Variants in CRPPA observed in about 807,000 individuals in gnomAD.
CRPPA encodes the protein CDP-L-ribitol pyrophosphorylase A.
A neutral mutation model predicts 52.0 loss-of-function variants in CRPPA; 43 were observed. That is an observed-to-expected ratio of 0.83 (90% CI 0.65 to 1.07). The LOEUF (loss-of-function observed/expected upper bound fraction) is 1.07. CRPPA is among the 50% of genes least tolerant of loss of function. The pLI is 0.00. For missense variants in CRPPA, 629 were observed against 551.7 expected (o/e 1.14, Z -1.40); for synonymous variants, 250 against 203.5 (o/e 1.23, Z -1.94).
intron 2 of CRPPA, among the ~76,000 whole-genome samples, chr7:16,396,134 T>C (rs115604977): frequency 0.015 from 2,303 of 152,324 alleles, 64 homozygotes; most frequent in African/African-American, 0.052. Context: ...GACAATACTA[T>C]GGTATCCAAT....
intron 9 of CRPPA, among the ~76,000 whole-genome samples, chr7:16,201,813 T>G (rs1781867372): frequency 6.6e-6 from 1 of 152,196 alleles, no homozygotes; most frequent in Non-Finnish European, 1.5e-5. Context: ...ATAATTGTAT[T>G]ATTTGCAAAT....
At chr7:16,368,009 C>T (rs1313504475) in intron 3 of CRPPA, among the ~76,000 whole-genome samples, 1 of 152,112 alleles carries the variant, frequency 6.6e-6, no homozygotes, top group African/African-American at 2.4e-5. Context: ...TGACAAATTA[C>T]CTTCTAAAAT....
chr7:16,250,872 A>C (rs1783429807), intron 8 of CRPPA, among the ~76,000 whole-genome samples: 1 of 152,174 alleles, frequency 6.6e-6, no homozygotes, highest in Admixed American at 6.5e-5. Flanking sequence ...TTCACACATA[A>C]CAATATTAAC....
chr7:16,188,427 G>A (rs777011681), intron 9 of CRPPA, among the ~76,000 whole-genome samples: 2 of 152,088 alleles, frequency 1.3e-5, no homozygotes, highest in African/African-American at 4.8e-5. Context: ...ATTACTGATT[G>A]AAACAGGTGC....
At chr7:16,378,353 A>G (rs1419975047) in intron 2 of CRPPA, among the ~76,000 whole-genome samples, 5 of 146,316 alleles carry the variant, frequency 3.4e-5, no homozygotes, top group Admixed American at 1.4e-4. Flanking sequence ...GAGTGAGAAC[A>G]TGCGGTGTTT....
chr7:16,187,936 C>G (rs762220355), intron 9 of CRPPA, among the ~76,000 whole-genome samples: 13 of 151,432 alleles, frequency 8.6e-5, no homozygotes, highest in Non-Finnish European at 1.9e-4. Context: ...TTAGGAAGTG[C>G]TAATACCCAG....
intron 9 of CRPPA, among the ~76,000 whole-genome samples, chr7:16,171,510 T>C (rs1781186186): frequency 2.0e-5 from 3 of 151,984 alleles, no homozygotes; most frequent in Admixed American, 2.0e-4. Flanking sequence ...CTCAGGCCTG[T>C]AATCCCAGCA....
intron 6 of CRPPA, chr7:16,276,500 A>G (rs1784206805): frequency 6.6e-6 from 1 of 152,222 alleles, no homozygotes; most frequent in Admixed American, 6.5e-5. Context: ...ATAGACTGGC[A>G]TATTGAAGAT....
At chr7:16,315,533 A>C (rs373609268) in intron 3 of CRPPA, among the ~76,000 whole-genome samples, 70 of 152,250 alleles carry the variant, frequency 4.6e-4, no homozygotes, top group African/African-American at 1.7e-3. Flanking sequence ...GAAAGGATGG[A>C]GTTGGGTAAG....
chr7:16,397,119 A>C (rs1467220919), intron 2 of CRPPA, among the ~76,000 whole-genome samples: 1 of 152,272 alleles, frequency 6.6e-6, no homozygotes, highest in African/African-American at 2.4e-5. Context: ...ACGTGGACAC[A>C]CAACTGACAA....
chr7:16,301,452 T>C lies in CRPPA; in HGVS notation c.804A>G (p.Arg268=). Residue 268 remains arginine (R), a synonymous_variant, in exon 5 of 10, where the codon CGA becomes CGG. Coordinates refer to ENST00000407010, the MANE Select transcript of CRPPA (RefSeq NM_001101426.4). The part of the protein sequence containing the change: ...SPDLWKVTYK[R]DLYAAESIIK... ...TAATCGATTCAGCCGCATAGAGATC[T>C]CGTTTGTAGGTCACCTAAAGGACAG... 6.2e-7 allele frequency: 1 copy of C among 1,612,552 alleles called. No individual in the cohort carries two copies. Among genetic ancestry groups the C allele is most frequent in the Non-Finnish European group, 8.5e-7 (1 of 1,179,014 alleles).
At chr7:16,314,202 T>C (rs1037416518) in intron 3 of CRPPA, among the ~76,000 whole-genome samples, 4 of 151,742 alleles carry the variant, frequency 2.6e-5, no homozygotes, top group African/African-American at 9.7e-5. Flanking sequence ...GTGTACACAT[T>C]AAGCACTGTT....
chr7:16,374,028 G>A (rs989175614), intron 3 of CRPPA, among the ~76,000 whole-genome samples: 1 of 152,044 alleles, frequency 6.6e-6, no homozygotes, highest in African/African-American at 2.4e-5. Context: ...TGCTTGTGAT[G>A]GTTAATATTA....
chr7:16,164,006 G>A (rs954825629), intron 9 of CRPPA, among the ~76,000 whole-genome samples: 1 of 152,060 alleles, frequency 6.6e-6, no homozygotes, highest in East Asian at 1.9e-4. Context: ...TGCTCTTCTA[G>A]AGTATCTTTA....
intron 9 of CRPPA, chr7:16,209,198 C>T (rs545446520): frequency 2.2e-5 from 7 of 318,344 alleles, no homozygotes; most frequent in Admixed American, 8.1e-5. Context: ...AGAATGCTAG[C>T]TATCAAAAGA....
chr7:16,106,844 T>A (rs985187407), intron 9 of CRPPA, among the ~76,000 whole-genome samples: 1 of 151,966 alleles, frequency 6.6e-6, no homozygotes, highest in Non-Finnish European at 1.5e-5. Flanking sequence ...AGAATAATAC[T>A]CAAAAAAGTT....
chr7:16,155,061 G>T (rs142175628), intron 9 of CRPPA, among the ~76,000 whole-genome samples: 2 of 148,888 alleles, frequency 1.3e-5, no homozygotes, highest in Non-Finnish European at 3.0e-5. Context: ...CAAATGATCC[G>T]CCTGCCTTGG....
rs182897923 is a variant in CRPPA, at chr7:16,283,676, G to A, written c.836-5450C>T. On this transcript the variant is annotated intron_variant, in intron 5 of 9. Coordinates refer to ENST00000407010, the MANE Select transcript of CRPPA (RefSeq NM_001101426.4). ...TCTTTAATCTTCTGTGTGGCAATAGGAGGATGGTGAGTTTAGTGAGATAGA... is the reference window on the plus strand; with the variant it reads ...TCTTTAATCTTCTGTGTGGCAATAGAAGGATGGTGAGTTTAGTGAGATAGA... 6.5e-4 allele frequency among the ~76,000 whole-genome samples: 98 copies of A among 151,658 alleles called. 2 individuals carry two copies. Among genetic ancestry groups the A allele is most frequent in the African/African-American group, 2.3e-3 (96 of 41,408 alleles).
rs546997562 is a variant in CRPPA, at chr7:16,383,890, C to G, written c.535-7649G>C. On this transcript the variant is annotated intron_variant, in intron 2 of 9. Coordinates refer to ENST00000407010, the MANE Select transcript of CRPPA (RefSeq NM_001101426.4). ...TGGGAGTGACCCAATTTTCCAGGTG[C>G]CGTCTGTCACCCCTTTCTTTGACTA... is the stretch of plus-strand genomic sequence containing the variant. Among the ~76,000 whole-genome samples the G allele has an allele frequency of 2.0e-4, 31 of 152,294 alleles. No individual in the cohort carries two copies. In the East Asian group the frequency reaches 5.2e-3, roughly 26 times the overall value.
Sources: gnomAD v4.1 joint callset for allele counts (sites outside exome capture counted in the v4.1 genomes callset) on GRCh38, gnomAD v4.1.1 for gene constraint, MANE v1.5 for transcripts, NCBI Gene and HGNC (gene_info 2026-07-23, HGNC 2026-07-21) for gene names.